The following TBCK variants were observed in gnomAD, a reference collection of about 807,000 sequenced individuals.
The protein encoded by TBCK is TBC1 domain containing kinase.
A neutral mutation model predicts 113.4 loss-of-function variants in TBCK; 99 were observed. The ratio of observed to expected loss-of-function variants is 0.87; its 90% CI spans 0.74 to 1.03. TBCK has a LOEUF of 1.03. Ranked by LOEUF, TBCK falls within the 50% of genes least tolerant of loss-of-function variation. The pLI is 0.00. For synonymous variants in TBCK, 369 were observed against 370.8 expected, an observed-to-expected ratio of 1.00 and a Z score of 0.05; for missense variants, 1,045 against 1,061.3, an observed-to-expected ratio of 0.98 and a Z score of 0.21.
At chr4:106,216,887 T>C (rs1477368023) in intron 19 of TBCK, among the ~76,000 whole-genome samples, 1 of 151,754 alleles carries the variant, frequency 6.6e-6, no homozygotes, top group Admixed American at 6.6e-5. Flanking sequence ...ATCATTCTGA[T>C]ACCAAAGCCA....
Position 106,074,128 on chromosome 4 carries a change from A to G in TBCK, c.2571+21354T>C, listed in dbSNP as rs559086124. ...GCCCATGGGCTGCACCCACTGTCCA[A>G]GCAGTCCCAATGAGATGAACCAGGT... On this transcript the variant is annotated intron_variant, in intron 25 of 25. Coordinates refer to ENST00000394708, the MANE Select transcript of TBCK (RefSeq NM_001163435.3). 1.1e-3 allele frequency among the ~76,000 whole-genome samples: 172 copies of G among 152,250 alleles called. 1 individual carries two copies. The highest frequency in any genetic ancestry group is 1.2e-3 in the Admixed American group (19 of 15,296).
intron 23 of TBCK, among the ~76,000 whole-genome samples, chr4:106,122,579 G>T (rs903711095): frequency 5.3e-5 from 8 of 152,144 alleles, no homozygotes; most frequent in African/African-American, 1.9e-4. Context: ...CAAAAAAAGC[G>T]AATTTTAGAC....
chr4:106,290,843 C>T (rs1285681464), intron 3 of TBCK, among the ~76,000 whole-genome samples: 1 of 152,192 alleles, frequency 6.6e-6, no homozygotes, highest in South Asian at 2.1e-4. Context: ...CATAGGAGCA[C>T]GAACCCTACT....
chr4:106,206,576 T>G (rs1243034237), intron 20 of TBCK, among the ~76,000 whole-genome samples: 1 of 152,182 alleles, frequency 6.6e-6, no homozygotes, highest in African/African-American at 2.4e-5. Flanking sequence ...AGGACTCTTA[T>G]TATGAGATAT....
At chr4:106,181,235 T>C (rs1752339478) in intron 22 of TBCK, among the ~76,000 whole-genome samples, 1 of 152,206 alleles carries the variant, frequency 6.6e-6, no homozygotes, top group Non-Finnish European at 1.5e-5. Context: ...TTCTTGTAAA[T>C]TTGTTTAAGT....
At chr4:106,053,535 C>T (rs1040489127) in intron 25 of TBCK, among the ~76,000 whole-genome samples, 2 of 151,580 alleles carry the variant, frequency 1.3e-5, no homozygotes, top group Non-Finnish European at 3.0e-5. Context: ...TTTTTGACTT[C>T]GTGCTCCATT....
intron 23 of TBCK, among the ~76,000 whole-genome samples, chr4:106,147,608 A>G (rs1164572035): frequency 6.6e-6 from 1 of 152,132 alleles, no homozygotes; most frequent in Non-Finnish European, 1.5e-5. Flanking sequence ...TCACTTCCCC[A>G]ATCAGTACCC....
Position 106,095,570 on chromosome 4 carries a change from A to G in TBCK, c.2483T>C (p.Leu828Pro). Residue 828 changes from leucine (L) to proline (P), a missense_variant, in exon 25 of 26, where the codon CTT (leucine) becomes CCT (proline). By Grantham distance (98) the Leu-to-Pro change is moderately conservative. Coordinates refer to ENST00000394708, the MANE Select transcript of TBCK (RefSeq NM_001163435.3). ...CATAGCAGTGTAAGGGCCCTGGGTAAGCTCCCCTTCTGCAGTGAAGGCAGC... is the reference window on the plus strand; with the variant it reads ...CATAGCAGTGTAAGGGCCCTGGGTAGGCTCCCCTTCTGCAGTGAAGGCAGC... The part of the protein sequence containing the change: ...FSAAFTAEGE[L>P]TQGPYTAMLQ... 2 of 1,614,134 alleles carry G rather than the reference A, an allele frequency of 1.2e-6. No homozygotes were observed. The highest frequency in any genetic ancestry group is 2.2e-5 in the South Asian group (2 of 91,082).
intron 3 of TBCK, among the ~76,000 whole-genome samples, chr4:106,263,011 C>T (rs2150103883): frequency 6.6e-6 from 1 of 151,982 alleles, no homozygotes. Flanking sequence ...ATTTTCTTGT[C>T]AACATTCCTT....
chr4:106,277,289 A>G (rs1764137562), intron 3 of TBCK, among the ~76,000 whole-genome samples: 2 of 152,180 alleles, frequency 1.3e-5, no homozygotes, highest in Admixed American at 6.5e-5. Context: ...TTTCTATAAA[A>G]TATTAGTCAT....
At chr4:106,061,887 C>A (rs1235129894) in intron 25 of TBCK, among the ~76,000 whole-genome samples, 1 of 151,638 alleles carries the variant, frequency 6.6e-6, no homozygotes, top group East Asian at 1.9e-4. Context: ...ATGGTGAACT[C>A]TTTATGATGG....
At chr4:106,055,945 A>G (rs2149451751) in intron 25 of TBCK, among the ~76,000 whole-genome samples, 1 of 151,552 alleles carries the variant, frequency 6.6e-6, no homozygotes, top group Non-Finnish European at 1.5e-5. Flanking sequence ...GAAATTATGG[A>G]AAATTATACC....
chr4:106,119,434 T>C (rs1437159337), intron 23 of TBCK, among the ~76,000 whole-genome samples: 2 of 152,060 alleles, frequency 1.3e-5, no homozygotes, highest in South Asian at 2.1e-4. Flanking sequence ...TTTCAATAAA[T>C]GGTGCTAGAA....
At chr4:106,312,885 T>C (rs180899910) in intron 1 of TBCK, among the ~76,000 whole-genome samples, 1 of 152,268 alleles carries the variant, frequency 6.6e-6, no homozygotes, top group African/African-American at 2.4e-5. Flanking sequence ...TAAACTATAG[T>C]ATTAATAAAA....
At chr4:106,132,746 A>G (rs567971808) in intron 23 of TBCK, among the ~76,000 whole-genome samples, 8 of 152,216 alleles carry the variant, frequency 5.3e-5, no homozygotes, top group Non-Finnish European at 1.2e-4. Context: ...AGGCTATGGG[A>G]GCACACCTCT....
chr4:106,138,624 T>C (rs1220852482), intron 23 of TBCK, among the ~76,000 whole-genome samples: 1 of 141,588 alleles, frequency 7.1e-6, no homozygotes, highest in African/African-American at 2.5e-5. Flanking sequence ...CACTGACTTA[T>C]AAGGCAAAAA....
chr4:106,113,142 G>T (rs1179805258), intron 24 of TBCK, among the ~76,000 whole-genome samples: 2 of 152,106 alleles, frequency 1.3e-5, no homozygotes, highest in African/African-American at 4.8e-5. Flanking sequence ...CATTTATGGG[G>T]TGGCCTACAA....
chr4:106,306,445 C>T (rs1767537595), intron 2 of TBCK, among the ~76,000 whole-genome samples: 1 of 151,982 alleles, frequency 6.6e-6, no homozygotes, highest in Non-Finnish European at 1.5e-5. Context: ...CATAGCATAG[C>T]ACATTGTACA....
chr4:106,053,367 C>G (rs1735027106), intron 25 of TBCK, among the ~76,000 whole-genome samples: 1 of 151,686 alleles, frequency 6.6e-6, no homozygotes, highest in African/African-American at 2.4e-5. Flanking sequence ...AAAACTCATT[C>G]TGAATCTGAC....
Sources: allele counts gnomAD v4.1 joint callset (sites outside exome capture counted in the v4.1 genomes callset), GRCh38; gene constraint gnomAD v4.1.1; transcripts MANE v1.5; gene names NCBI Gene and HGNC (gene_info 2026-07-23, HGNC 2026-07-21).